The following TRAPPC1 variants were observed in gnomAD, a reference collection of about 807,000 sequenced individuals.
TRAPPC1 encodes trafficking protein particle complex subunit 1, also known as BET5 homolog.
Under a neutral mutation model 17.2 loss-of-function variants are expected in TRAPPC1, and 10 were observed. The ratio of observed to expected loss-of-function variants is 0.58; its 90% CI spans 0.36 to 0.99. The LOEUF (loss-of-function observed/expected upper bound fraction) is 0.99, where lower values mean the gene tolerates loss of function less well. Ranked by LOEUF, TRAPPC1 falls within the 50% of genes least tolerant of loss-of-function variation. TRAPPC1 has a pLI of 0.01. For missense variants in TRAPPC1, 163 were observed against 184.4 expected (o/e 0.88, Z 0.67); for synonymous variants, 85 against 74.5 (o/e 1.14, Z -0.72).
At chr17:7,931,371 G>T in intron 2 of TRAPPC1, 135 bp downstream of exon 2, 1 of 1,055,664 alleles carries the variant, frequency 9.5e-7, no homozygotes, top group Non-Finnish European at 1.4e-6. Flanking sequence ...CAGCACTCTC[G>T]CTCCGGACTC....
At chr17:7,931,276 A>G in intron 2 of TRAPPC1, 127 bp from the exon 3 acceptor site, 2 of 1,288,370 alleles carry the variant, frequency 1.6e-6, no homozygotes, top group Non-Finnish European at 2.1e-6. Context: ...GGTTGAGTAA[A>G]GACATCGCCC....
Position 7,931,144 on chromosome 17 carries a change from T to G in TRAPPC1, c.176A>C (p.Asp59Ala). 6.2e-7 allele frequency: 1 copy of G among 1,613,902 alleles called. No homozygotes were observed. Among genetic ancestry groups the G allele is most frequent in the Non-Finnish European group, 8.5e-7 (1 of 1,179,948 alleles). ...VSKMSPLDMKDGFLAFQTSRY... is the reference protein window; with the variant it reads ...VSKMSPLDMKAGFLAFQTSRY... Reference sequence around the variant, plus strand: ...GCTAGTTTGGAAGGCCAGGAAGCCATCCTTCCTGCAGAGATGAGGAGGGTG... The same window carrying G: ...GCTAGTTTGGAAGGCCAGGAAGCCAGCCTTCCTGCAGAGATGAGGAGGGTG... The change falls in exon 3 of 4, where the codon GAT becomes GCT. Residue 59 changes from aspartate to alanine, a missense_variant. Asp to Ala is a moderately radical substitution (Grantham distance 126). Transcript: ENST00000303731.
At chr17:7,930,789 C>T in intron 3 of TRAPPC1, 55 bp from the exon 4 acceptor site, 1 of 1,597,636 alleles carries the variant, frequency 6.3e-7, no homozygotes, top group Non-Finnish European at 8.5e-7. Context: ...GTTTTTAGCC[C>T]CAAACCTTGT....
At position 7,930,875 on chromosome 17, in the gene TRAPPC1, G is replaced by A. The variant is rs1226966783; in HGVS notation, c.309+136C>T. 2.7e-6 allele frequency: 4 copies of A among 1,483,524 alleles called. No homozygotes were observed. In the African/African-American group the frequency reaches 5.6e-5, roughly 21 times the overall value. The allele number at this position is 1,483,524 out of a possible 1,614,324, so 91.9% of individuals were successfully genotyped here. On this transcript the variant is annotated intron_variant, in intron 3 of 3. Transcript: ENST00000303731. ...CCCTCTCTGAGGAGAAAGTGGTGGT[G>A]GGAGTTAAGAACCTAAGGGCCCCTG...
chr17:7,930,929 A>G, intron 3 of TRAPPC1, 82 bp downstream of exon 3: 2 of 1,554,106 alleles, frequency 1.3e-6, no homozygotes, highest in Admixed American at 3.8e-5. Flanking sequence ...GCAAACATAT[A>G]GTAGGATTGG....
At position 7,931,020 on chromosome 17, in the gene TRAPPC1, GA is replaced by G; in HGVS notation, c.299del (p.Ile100ThrfsTer11). The G allele has an allele frequency of 6.2e-7, 1 of 1,613,910 alleles. No individual in the cohort carries two copies. The highest frequency in any genetic ancestry group is 8.5e-7 in the Non-Finnish European group (1 of 1,179,968). ...VGPIRDVLHH[I>X]YSALYVELVV... ...TGGGGCTGGCACTGACCGCACTGTAGATGTGGTGCAGCACATCTCGGATGGG... is the reference window on the plus strand; with the variant it reads ...TGGGGCTGGCACTGACCGCACTGTAGTGTGGTGCAGCACATCTCGGATGGG... On this transcript the variant is annotated frameshift_variant, in exon 3 of 4. Transcript: ENST00000303731. LOFTEE classifies it high-confidence loss of function.
intron 3 of TRAPPC1, 118 bp from the exon 4 acceptor site, chr17:7,930,852 C>G: frequency 6.6e-7 from 1 of 1,507,482 alleles, no homozygotes; most frequent in Non-Finnish European, 8.9e-7. Context: ...AAGGCAAGCC[C>G]TCTCTGAGGA....
intron 2 of TRAPPC1, 114 bp from the exon 3 acceptor site, chr17:7,931,263 C>G (rs1972486864): frequency 2.2e-6 from 3 of 1,358,486 alleles, no homozygotes; most frequent in South Asian, 2.8e-5. Context: ...TTTGTAGAAG[C>G]CTGGTTGAGT....
rs759034968 is a variant in TRAPPC1, at chr17:7,931,102, T to C, written c.218A>G (p.Tyr73Cys). 3 of 1,613,974 alleles carry C rather than the reference T, an allele frequency of 1.9e-6. No individual in the cohort carries two copies. The highest frequency in any genetic ancestry group is 1.7e-5 in the Admixed American group (1 of 59,998). ...TTTGATCCCAGTGGGCGTCTCGTAG[T>C]AATGGAGTTTGTAACGGCTAGTTTG... is the stretch of plus-strand genomic sequence containing the variant. Reference protein sequence around the residue: ...AFQTSRYKLHYYETPTGIKVV... With the variant: ...AFQTSRYKLHCYETPTGIKVV... The change falls in exon 3 of 4, where the codon TAC (tyrosine) becomes TGC (cysteine). Residue 73 changes from tyrosine to cysteine, a missense_variant. By Grantham distance (194) the Tyr-to-Cys change is radical (BLOSUM62 -2). Coordinates refer to ENST00000303731, the MANE Select transcript of TRAPPC1 (RefSeq NM_021210.5).
chr17:7,931,704 C>G lies in TRAPPC1; in HGVS notation c.99+27G>C, dbSNP rs371606302. On this transcript the variant is annotated intron_variant, in intron 1 of 3. Transcript: ENST00000303731. ...AGGTGTTTGGAGATGAGAGGTCGCC[C>G]GGGCTGCACCGGGGCCCTCTCGTCA... is the stretch of plus-strand genomic sequence containing the variant. 33 of 1,607,882 alleles carry G rather than the reference C, an allele frequency of 2.1e-5. No individual in the cohort carries two copies. In the African/African-American group the frequency reaches 3.5e-4, roughly 17 times the overall value.
chr17:7,931,913 A>ACT lies in TRAPPC1; in HGVS notation c.-85_-84insAG. 1 of 1,210,972 alleles carries ACT rather than the reference A, an allele frequency of 8.3e-7. No homozygotes were observed. Among genetic ancestry groups the ACT allele is most frequent in the South Asian group, 1.2e-5 (1 of 82,744 alleles). The allele number at this position is 1,210,972 out of a possible 1,614,324, so 75.0% of individuals were successfully genotyped here. The stretch of plus-strand genomic sequence containing the variant: ...TTCCCGGACCCACAGCCTTCCAACC[A>ACT]GGTGGGGACCCCACCCACGGACTCA... On this transcript the variant is annotated 5_prime_UTR_variant, in exon 1 of 4. Coordinates refer to ENST00000303731, the MANE Select transcript of TRAPPC1 (RefSeq NM_021210.5).
Position 7,930,648 on chromosome 17 carries a change from G to A in TRAPPC1, c.396C>T (p.Ser132=), listed in dbSNP as rs1402931378. ...QSELFRSRLD[S]YVRSLPFFSA... ...AGAAGAAGGGCAGAGAGCGAACATA[G>A]GAGTCCAGTCGGGAGCGAAAGAGCT... The change falls in exon 4 of 4, where the codon TCC becomes TCT. Residue 132 remains serine (S), a synonymous_variant. Coordinates refer to ENST00000303731, the MANE Select transcript of TRAPPC1 (RefSeq NM_021210.5). The A allele has an allele frequency of 6.8e-6, 11 of 1,614,190 alleles. No individual in the cohort carries two copies. The highest frequency in any genetic ancestry group is 8.5e-6 in the Non-Finnish European group (10 of 1,180,014).
At chr17:7,931,332 A>G (rs1598044530) in intron 2 of TRAPPC1, 174 bp downstream of exon 2, 1 of 1,005,640 alleles carries the variant, frequency 9.9e-7, no homozygotes, top group Non-Finnish European at 1.5e-6. Context: ...CTACTTTCAG[A>G]CCCTCCCCAC....
At position 7,931,362 on chromosome 17, in the gene TRAPPC1, A is replaced by G. The variant is rs554549193; in HGVS notation, c.170+144T>C. ...CCCCACCCCCACTCCTGCCAGCTCC[A>G]GCACTCTCGCTCCGGACTCAGCCTC... On this transcript the variant is annotated intron_variant, in intron 2 of 3. Coordinates refer to ENST00000303731, the MANE Select transcript of TRAPPC1 (RefSeq NM_021210.5). 7.4e-4 allele frequency: 735 copies of G among 999,412 alleles called. 7 individuals are homozygous for G. The East Asian group carries it at 0.017, about 23-fold the overall frequency. The allele number at this position is 999,412 out of a possible 1,614,324, so 61.9% of individuals were successfully genotyped here. A position where few individuals can be genotyped will look rare whatever the true frequency, so the allele number is the denominator to read the frequency against.
In TRAPPC1 at chr17:7,931,592, CAG is replaced by C. The variant is rs1567898728; in HGVS notation, c.100-18_100-17del. The stretch of plus-strand genomic sequence containing the variant: ...GCTTATACTCCTGGAGGGAGAGGGG[CAG>C]AGTTAGCTCTCGGTTGATGCGGGAG... On this transcript the variant is annotated splice_polypyrimidine_tract_variant and intron_variant, in intron 1 of 3. Coordinates refer to ENST00000303731, the MANE Select transcript of TRAPPC1 (RefSeq NM_021210.5). 2 of 1,606,850 alleles carry C rather than the reference CAG, an allele frequency of 1.2e-6. No homozygotes were observed. The highest frequency in any genetic ancestry group is 8.5e-7 in the Non-Finnish European group (1 of 1,174,834).
Position 7,931,865 on chromosome 17 carries a change from C to A in TRAPPC1, c.-36G>T. 1 of 1,580,072 alleles carries A rather than the reference C, an allele frequency of 6.3e-7. No individual in the cohort carries two copies. On this transcript the variant is annotated 5_prime_UTR_variant, in exon 1 of 4. Coordinates refer to ENST00000303731, the MANE Select transcript of TRAPPC1 (RefSeq NM_021210.5). Reference sequence around the variant, plus strand: ...GGGAGTGTGAGCCTCGCTCCGGGGCCGCCCCCACTCCTTGGGCTCGGGTTC... The same window carrying A: ...GGGAGTGTGAGCCTCGCTCCGGGGCAGCCCCCACTCCTTGGGCTCGGGTTC...
Position 7,930,362 on chromosome 17 carries a change from A to G in TRAPPC1, c.*244T>C. 1 of 511,352 alleles carries G rather than the reference A, an allele frequency of 2.0e-6. No individual in the cohort carries two copies. Among genetic ancestry groups the G allele is most frequent in the Non-Finnish European group, 3.5e-6 (1 of 282,226 alleles). 31.7% of individuals were successfully genotyped at this position (511,352 alleles called of 1,614,324 possible). A position where few individuals can be genotyped will look rare whatever the true frequency, so the allele number is the denominator to read the frequency against. ...GCTCAGGCCGCAGAGAGTGACAAAA[A>G]GTTTATTCTGTGCTTCTCGCAGCAT... On this transcript the variant is annotated 3_prime_UTR_variant, in exon 4 of 4. Coordinates refer to ENST00000303731, the MANE Select transcript of TRAPPC1 (RefSeq NM_021210.5).
intron 3 of TRAPPC1, 62 bp downstream of exon 3, chr17:7,930,949 G>A: frequency 6.3e-7 from 1 of 1,592,826 alleles, no homozygotes; most frequent in Non-Finnish European, 8.6e-7. Flanking sequence ...GGGCAGGGGA[G>A]ATGAGGGAGT....
At chr17:7,930,874 T>G (rs1598043046) in intron 3 of TRAPPC1, 137 bp downstream of exon 3, 1 of 1,486,534 alleles carries the variant, frequency 6.7e-7, no homozygotes, top group East Asian at 2.3e-5. Flanking sequence ...AAAGTGGTGG[T>G]GGGAGTTAAG....
Sources: gnomAD v4.1 joint callset for allele counts on GRCh38, gnomAD v4.1.1 for gene constraint, MANE v1.5 for transcripts, NCBI Gene and HGNC (gene_info 2026-07-23, HGNC 2026-07-21) for gene names.